The following GABRG3 variants were observed in gnomAD, a reference collection of about 807,000 sequenced individuals.
GABRG3 encodes the protein gamma-aminobutyric acid type A receptor subunit gamma3.
GABRG3 carries 25 observed loss-of-function variants against 48.8 expected under a neutral mutation model. That is an observed-to-expected ratio of 0.51 (90% confidence interval 0.37 to 0.72). The LOEUF (loss-of-function observed/expected upper bound fraction) is 0.72. Among genes scored for constraint, GABRG3 ranks in the 30% least tolerant of loss-of-function variants. The pLI is 0.00. For missense variants in GABRG3, 394 were observed against 577.9 expected, an observed-to-expected ratio of 0.68 and a Z score of 3.26; for synonymous variants, 227 against 217.6, an observed-to-expected ratio of 1.04 and a Z score of -0.38.
chr15:27,498,417 T>C (rs189497367), intron 6 of GABRG3, among the ~76,000 whole-genome samples: 298 of 152,344 alleles, frequency 2.0e-3, no homozygotes, highest in South Asian at 9.3e-3. Context: ...TGCATAACAT[T>C]TTCTCCTTTA....
At chr15:27,442,188 A>G (rs951273667) in intron 5 of GABRG3, among the ~76,000 whole-genome samples, 40 of 152,182 alleles carry the variant, frequency 2.6e-4, no homozygotes, top group African/African-American at 9.6e-4. Context: ...GGCACAGGTG[A>G]TGCACCAAGC....
chr15:27,336,256 AAAG>A (rs1383463211), intron 5 of GABRG3, among the ~76,000 whole-genome samples: 5 of 124,372 alleles, frequency 4.0e-5, no homozygotes, highest in Admixed American at 3.6e-4. Flanking sequence ...AAAGAAAGAA[AAAG>A]AAAGAAAGAA....
At chr15:27,313,434 G>A (rs957158373) in intron 3 of GABRG3, among the ~76,000 whole-genome samples, 9 of 149,796 alleles carry the variant, frequency 6.0e-5, no homozygotes, top group African/African-American at 2.2e-4. Flanking sequence ...AGACCAACCA[G>A]ACAGAAAATC....
At chr15:27,245,004 G>T (rs1256441484) in intron 3 of GABRG3, among the ~76,000 whole-genome samples, 1 of 152,198 alleles carries the variant, frequency 6.6e-6, no homozygotes, top group East Asian at 1.9e-4. Context: ...GTTTGTGGGG[G>T]TTTCTGCCTT....
intron 5 of GABRG3, among the ~76,000 whole-genome samples, chr15:27,468,493 A>T (rs1044170213): frequency 6.6e-6 from 1 of 152,104 alleles, no homozygotes; most frequent in African/African-American, 2.4e-5. Flanking sequence ...GCCGTGTTGG[A>T]TCCAGTTGGT....
At chr15:27,513,469 A>G (rs1049135567) in intron 6 of GABRG3, among the ~76,000 whole-genome samples, 4 of 152,058 alleles carry the variant, frequency 2.6e-5, no homozygotes, top group Non-Finnish European at 5.9e-5. Flanking sequence ...GAAAAAAAAA[A>G]TGAAAGCCAC....
intron 2 of GABRG3, among the ~76,000 whole-genome samples, chr15:27,015,634 G>A (rs1031401552): frequency 9.2e-5 from 14 of 151,826 alleles, no homozygotes; most frequent in Admixed American, 3.3e-4. Context: ...TGATCCACCC[G>A]CCTCAGCCTC....
In GABRG3 at chr15:27,004,023, G is replaced by A. The variant is rs550401400; in HGVS notation, c.203-22731G>A. On this transcript the variant is annotated intron_variant, in intron 2 of 9. Transcript: ENST00000615808. The stretch of plus-strand genomic sequence containing the variant: ...TCCCGGACGGGGCGGCTGTCCGGGC[G>A]GGGGGCTGAACCCCCAACTCCCTCC... Among the ~76,000 whole-genome samples the A allele has an allele frequency of 6.7e-3, 1,006 of 149,528 alleles. 7 individuals are homozygous for A. The highest frequency in any genetic ancestry group is 0.011 in the Non-Finnish European group (702 of 66,850).
intron 2 of GABRG3, among the ~76,000 whole-genome samples, chr15:26,990,803 A>ATTTTTTTTTTTTTTTTTTTT (rs36038223): frequency 7.7e-6 from 1 of 129,444 alleles, no homozygotes; most frequent in Non-Finnish European, 1.6e-5. Context: ...ATCCATTTTG[A>ATTTTTTTTTTTTTTTTTTTT]TTTTTTTTTT....
At chr15:27,045,796 G>A (rs1432005072) in intron 3 of GABRG3, among the ~76,000 whole-genome samples, 1 of 152,208 alleles carries the variant, frequency 6.6e-6, no homozygotes, top group Admixed American at 6.5e-5. Flanking sequence ...AGCGGTCAAT[G>A]CCCGTGCCCA....
intron 3 of GABRG3, among the ~76,000 whole-genome samples, chr15:27,227,009 A>T (rs560637069): frequency 1.7e-3 from 260 of 152,306 alleles, no homozygotes; most frequent in African/African-American, 5.6e-3. Flanking sequence ...AGGGAAAAAA[A>T]ACTGAAAGAA....
intron 3 of GABRG3, among the ~76,000 whole-genome samples, chr15:27,059,187 G>A (rs1896604332): frequency 6.6e-6 from 1 of 152,216 alleles, no homozygotes; most frequent in Non-Finnish European, 1.5e-5. Context: ...GGCTGCAAAG[G>A]TTGCCATACA....
intron 3 of GABRG3, among the ~76,000 whole-genome samples, chr15:27,135,929 A>G (rs1898000841): frequency 6.6e-6 from 1 of 152,182 alleles, no homozygotes; most frequent in Non-Finnish European, 1.5e-5. Context: ...CAAAAAACAA[A>G]GCAAAACAAA....
intron 3 of GABRG3, among the ~76,000 whole-genome samples, chr15:27,265,206 T>A (rs920794038): frequency 2.0e-5 from 3 of 152,084 alleles, no homozygotes; most frequent in African/African-American, 7.2e-5. Context: ...AATACAAACC[T>A]ATCCTTATTT....
intron 3 of GABRG3, among the ~76,000 whole-genome samples, chr15:27,130,507 C>A (rs1397358328): frequency 6.6e-6 from 1 of 151,960 alleles, no homozygotes; most frequent in African/African-American, 2.4e-5. Context: ...TTCTTCAAGA[C>A]TATTTTGGAT....
intron 3 of GABRG3, among the ~76,000 whole-genome samples, chr15:27,083,876 C>T (rs564581555): frequency 3.2e-4 from 48 of 152,192 alleles, no homozygotes; most frequent in Non-Finnish European, 5.6e-4. Context: ...CTTTATATTT[C>T]TTCAATAAGC....
chr15:27,461,676 T>C (rs887811284), intron 5 of GABRG3, among the ~76,000 whole-genome samples: 1 of 152,176 alleles, frequency 6.6e-6, no homozygotes, highest in Non-Finnish European at 1.5e-5. Flanking sequence ...AGAGAGTGAT[T>C]GGTCCGTTTT....
At chr15:27,121,138 A>G (rs1235113564) in intron 3 of GABRG3, among the ~76,000 whole-genome samples, 1 of 152,182 alleles carries the variant, frequency 6.6e-6, no homozygotes, top group Non-Finnish European at 1.5e-5. Context: ...AGAGTAGCTT[A>G]TGGGTCTGGT....
Position 27,539,053 on chromosome 15 carries a change from CA to C in GABRG3, c.*6174del, listed in dbSNP as rs1186664630. ...TGTTAAACGTTTTTCCAATACATAG[CA>C]ATGTGTAAAATAGACTCCCAAATCT... On this transcript the variant is annotated 3_prime_UTR_variant, in exon 10 of 10. Coordinates refer to ENST00000615808, the MANE Select transcript of GABRG3 (RefSeq NM_033223.5). The C allele has an allele frequency of 6.6e-6, 1 of 152,136 alleles. No homozygotes were observed. The highest frequency in any genetic ancestry group is 1.9e-4 in the East Asian group (1 of 5,188). 9.4% of individuals were successfully genotyped at this position (152,136 alleles called of 1,614,324 possible).
Sources: allele counts gnomAD v4.1 joint callset (sites outside exome capture counted in the v4.1 genomes callset), GRCh38; gene constraint gnomAD v4.1.1; transcripts MANE v1.5; gene names NCBI Gene and HGNC (gene_info 2026-07-23, HGNC 2026-07-21).